The following PPARGC1A variants were observed in gnomAD, a reference collection of about 807,000 sequenced individuals.
PPARGC1A encodes peroxisome proliferator-activated receptor gamma coactivator 1-alpha.
A neutral mutation model predicts 88.7 loss-of-function variants in PPARGC1A; 25 were observed. That is an observed-to-expected ratio of 0.28 (90% CI 0.21 to 0.39). The LOEUF (loss-of-function observed/expected upper bound fraction) is 0.39. PPARGC1A is among the 10% of genes least tolerant of loss of function. The pLI is 1.00. For synonymous variants in PPARGC1A, 363 were observed against 355.6 expected, an observed-to-expected ratio of 1.02 and a Z score of -0.24; for missense variants, 880 against 968.7, an observed-to-expected ratio of 0.91 and a Z score of 1.22.
At chr4:24,178,277 T>A in the PPARGC1A span, among the ~76,000 whole-genome samples, 1 of 152,194 alleles carries the variant, frequency 6.6e-6, no homozygotes, top group Non-Finnish European at 1.5e-5. Flanking sequence ...GTACTTTTGT[T>A]AGAGGGAGAT....
the PPARGC1A span, among the ~76,000 whole-genome samples, chr4:24,339,193 TG>T: frequency 3.0e-5 from 1 of 32,792 alleles, no homozygotes; most frequent in African/African-American, 1.7e-4. Flanking sequence ...GGTTCATCCA[TG>T]TGTGTGTGTG....
At chr4:23,824,233 A>G (rs370237350) in intron 7 of PPARGC1A, 47 bp downstream of exon 7, 3 of 1,485,718 alleles carry the variant, frequency 2.0e-6, no homozygotes, top group Non-Finnish European at 2.8e-6. Flanking sequence ...ACACACACAC[A>G]TATACAGACA....
chr4:24,156,399 A>C, the PPARGC1A span, among the ~76,000 whole-genome samples: 8 of 151,608 alleles, frequency 5.3e-5, no homozygotes, highest in East Asian at 1.6e-3. Flanking sequence ...GGCAAGTGTT[A>C]GTGTCTTCTT....
upstream of PPARGC1A, among the ~76,000 whole-genome samples, chr4:23,901,546 AAAAAAAAAAAAG>A (rs1228355473): frequency 6.6e-6 from 1 of 150,902 alleles, no homozygotes; most frequent in East Asian, 1.9e-4. Flanking sequence ...TCCGTCTCAA[AAAAAAAAAAAAG>A]AAAAGAAAAA....
chr4:24,099,487 C>A, the PPARGC1A span, among the ~76,000 whole-genome samples: 1 of 152,036 alleles, frequency 6.6e-6, no homozygotes, highest in Non-Finnish European at 1.5e-5. Flanking sequence ...TGCAGCCAGG[C>A]AAGGAGCACG....
At chr4:24,226,906 C>G in the PPARGC1A span, among the ~76,000 whole-genome samples, 1 of 152,104 alleles carries the variant, frequency 6.6e-6, no homozygotes, top group African/African-American at 2.4e-5. Context: ...CAGATGAGCT[C>G]GGTCACTCTC....
At chr4:24,063,361 C>T in the PPARGC1A span, among the ~76,000 whole-genome samples, 1 of 152,146 alleles carries the variant, frequency 6.6e-6, no homozygotes, top group African/African-American at 2.4e-5. Context: ...GTGTTCAGGG[C>T]ACACTCTGTT....
chr4:23,940,743 T>TTGATCTCTAG, the PPARGC1A span, among the ~76,000 whole-genome samples: 78 of 152,320 alleles, frequency 5.1e-4, no homozygotes, highest in South Asian at 2.5e-3. Flanking sequence ...TTCTCTGGGC[T>TTGATCTCTAG]TTCTGACAAA....
intron 2 of PPARGC1A, chr4:23,880,613 A>G (rs1715732376): frequency 1.3e-5 from 2 of 152,350 alleles, no homozygotes; most frequent in South Asian, 4.1e-4. Context: ...AATGAAGAAA[A>G]GTAAAGTATC....
chr4:23,902,675 A>T (rs1389748475), upstream of PPARGC1A, among the ~76,000 whole-genome samples: 1 of 152,166 alleles, frequency 6.6e-6, no homozygotes, highest in Non-Finnish European at 1.5e-5. Flanking sequence ...AGATATATAC[A>T]AGGATGCAGT....
the PPARGC1A span, among the ~76,000 whole-genome samples, chr4:23,969,024 G>A: frequency 6.6e-6 from 1 of 152,150 alleles, no homozygotes; most frequent in Non-Finnish European, 1.5e-5. Flanking sequence ...TGTTATGGAG[G>A]CCTGCAGAGT....
chr4:23,958,474 T>G, the PPARGC1A span, among the ~76,000 whole-genome samples: 2 of 152,136 alleles, frequency 1.3e-5, no homozygotes, highest in African/African-American at 4.8e-5. Flanking sequence ...ACTCAAAAAT[T>G]TCTTTATGTT....
the PPARGC1A span, among the ~76,000 whole-genome samples, chr4:24,269,381 C>A: frequency 6.8e-6 from 1 of 146,418 alleles, no homozygotes; most frequent in East Asian, 2.1e-4. Flanking sequence ...GACTTATTAT[C>A]TCTATAGAAT....
chr4:24,436,528 T>C, the PPARGC1A span, among the ~76,000 whole-genome samples: 5 of 149,928 alleles, frequency 3.3e-5, no homozygotes, highest in African/African-American at 1.2e-4. Flanking sequence ...CTGACATCGA[T>C]TGGCCACCCC....
chr4:23,895,703 T>C (rs145702021), intron 1 of PPARGC1A, among the ~76,000 whole-genome samples: 4,058 of 152,194 alleles, frequency 0.027, 80 homozygotes, highest in Non-Finnish European at 0.043. Flanking sequence ...GGTAGGATTA[T>C]ACTGGGTATA....
the PPARGC1A span, among the ~76,000 whole-genome samples, chr4:24,199,450 C>T: frequency 7.9e-5 from 12 of 152,076 alleles, no homozygotes; most frequent in Non-Finnish European, 1.5e-4. Context: ...GGGGAGGGAA[C>T]CACAAATGAC....
the PPARGC1A span, among the ~76,000 whole-genome samples, chr4:24,166,706 T>C: frequency 3.9e-5 from 6 of 152,358 alleles, no homozygotes; most frequent in East Asian, 1.9e-4. Context: ...CTCTGCTCTA[T>C]AAATGGAACA....
At chr4:24,263,253 G>A in the PPARGC1A span, among the ~76,000 whole-genome samples, 1 of 152,122 alleles carries the variant, frequency 6.6e-6, no homozygotes. Context: ...ACAAGTAAAT[G>A]TAAAACAAAT....
chr4:24,179,730 A>C, the PPARGC1A span, among the ~76,000 whole-genome samples: 3 of 152,136 alleles, frequency 2.0e-5, no homozygotes, highest in Admixed American at 6.6e-5. Flanking sequence ...TTAACCACTA[A>C]ATTTTGAGGT....
Sources: gnomAD v4.1 joint callset for allele counts (sites outside exome capture counted in the v4.1 genomes callset) on GRCh38, gnomAD v4.1.1 for gene constraint, MANE v1.5 for transcripts, NCBI Gene and HGNC (gene_info 2026-07-23, HGNC 2026-07-21) for gene names.